GRIP1: variants seen among roughly 807,000 people sequenced by gnomAD.
GRIP1 encodes glutamate receptor-interacting protein 1.
GRIP1 carries 45 observed loss-of-function variants against 129.9 expected under a neutral mutation model. The ratio of observed to expected loss-of-function variants is 0.35; its 90% CI spans 0.27 to 0.44. The LOEUF (loss-of-function observed/expected upper bound fraction) is 0.44, where lower values mean the gene tolerates loss of function less well. GRIP1 is among the 20% of genes least tolerant of loss of function. The probability of loss-of-function intolerance (pLI) is 1.00; values close to 1 mark genes in which losing one functional copy is unlikely to be tolerated. For synonymous variants in GRIP1, 530 were observed against 520.8 expected (o/e 1.02, Z -0.24); for missense variants, 1,196 against 1,396.8 (o/e 0.86, Z 2.29).
intron 1 of GRIP1, among the ~76,000 whole-genome samples, chr12:66,796,710 G>T (rs1027153397): frequency 6.6e-6 from 1 of 152,028 alleles, no homozygotes; most frequent in African/African-American, 2.4e-5. Flanking sequence ...CTCTTGACAC[G>T]TGCATCATCA....
chr12:66,814,801 G>A (rs1181541957), intron 1 of GRIP1, among the ~76,000 whole-genome samples: 3 of 149,810 alleles, frequency 2.0e-5, no homozygotes, highest in South Asian at 4.3e-4. Context: ...TCGCTGAGGA[G>A]GCCTCAGGAA....
At chr12:66,363,419 TA>T (rs1228067906) in intron 23 of GRIP1, among the ~76,000 whole-genome samples, 3 of 147,700 alleles carry the variant, frequency 2.0e-5, no homozygotes, top group Non-Finnish European at 3.0e-5. Context: ...TTTTTTTTTT[TA>T]AATTATTTTT....
At chr12:66,986,763 G>T (rs2042318248) in intron 1 of GRIP1, among the ~76,000 whole-genome samples, 1 of 148,554 alleles carries the variant, frequency 6.7e-6, no homozygotes, top group Admixed American at 6.7e-5. Context: ...CACCAGCATG[G>T]CACATGTATA....
intron 7 of GRIP1, among the ~76,000 whole-genome samples, chr12:66,477,310 C>T (rs1195274369): frequency 2.0e-5 from 3 of 151,968 alleles, no homozygotes; most frequent in South Asian, 2.1e-4. Context: ...ACCTAGGAAT[C>T]CAACTTACAA....
intron 1 of GRIP1, among the ~76,000 whole-genome samples, chr12:66,887,918 T>C (rs2040592572): frequency 6.6e-6 from 1 of 152,220 alleles, no homozygotes; most frequent in African/African-American, 2.4e-5. Context: ...TCAGCAGCTG[T>C]CTGTCCTTGG....
intron 1 of GRIP1, among the ~76,000 whole-genome samples, chr12:66,864,832 A>G (rs1036424803): frequency 6.6e-6 from 1 of 152,140 alleles, no homozygotes; most frequent in Admixed American, 6.6e-5. Flanking sequence ...TGTAGTTCAA[A>G]TCTCTTATCT....
intron 1 of GRIP1, among the ~76,000 whole-genome samples, chr12:66,796,120 T>C (rs1273728570): frequency 6.6e-6 from 1 of 151,946 alleles, no homozygotes; most frequent in Non-Finnish European, 1.5e-5. Context: ...TTTGCAATAG[T>C]ATACTAACAG....
intron 1 of GRIP1, among the ~76,000 whole-genome samples, chr12:66,950,941 G>A (rs1342753866): frequency 1.1e-4 from 17 of 152,062 alleles, no homozygotes; most frequent in Non-Finnish European, 5.9e-5. Context: ...GCTCAAATCT[G>A]CCATCTGGAA....
chr12:66,593,850 C>T (rs944472309), intron 2 of GRIP1, among the ~76,000 whole-genome samples: 2 of 151,914 alleles, frequency 1.3e-5, no homozygotes, highest in African/African-American at 4.8e-5. Context: ...GGGCGGATCA[C>T]GAGGTCATGA....
intron 1 of GRIP1, among the ~76,000 whole-genome samples, chr12:66,906,163 G>T (rs2040928910): frequency 6.6e-6 from 1 of 152,162 alleles, no homozygotes; most frequent in Non-Finnish European, 1.5e-5. Flanking sequence ...TGTAATCCCA[G>T]CACTTTGGGA....
chr12:66,521,159 T>G (rs1467042482), intron 5 of GRIP1, among the ~76,000 whole-genome samples: 1 of 152,172 alleles, frequency 6.6e-6, no homozygotes, highest in Non-Finnish European at 1.5e-5. Context: ...TCTATCAACT[T>G]TTGTCTTAAA....
intron 23 of GRIP1, among the ~76,000 whole-genome samples, chr12:66,364,866 A>C (rs755204278): frequency 6.6e-6 from 1 of 152,040 alleles, no homozygotes; most frequent in Non-Finnish European, 1.5e-5. Context: ...TTTCCTTTAA[A>C]TATTGAAGCC....
chr12:66,679,506 G>A (rs2136275283), upstream of GRIP1, among the ~76,000 whole-genome samples: 1 of 151,558 alleles, frequency 6.6e-6, no homozygotes, highest in African/African-American at 2.4e-5. Context: ...TGGGATTGAG[G>A]AAAGAATCAC....
chr12:66,813,483 C>T (rs1216612264), intron 1 of GRIP1, among the ~76,000 whole-genome samples: 1 of 152,092 alleles, frequency 6.6e-6, no homozygotes, highest in Non-Finnish European at 1.5e-5. Flanking sequence ...AATACATCAT[C>T]AAAGTAATTT....
At chr12:66,499,613 A>G (rs1475369384) in intron 7 of GRIP1, among the ~76,000 whole-genome samples, 1 of 152,198 alleles carries the variant, frequency 6.6e-6, no homozygotes, top group African/African-American at 2.4e-5. Context: ...ACTACACTGA[A>G]TGGGGCAGAG....
chr12:67,041,733 G>C (rs1457817176), intron 1 of GRIP1, among the ~76,000 whole-genome samples: 3 of 147,790 alleles, frequency 2.0e-5, no homozygotes, highest in Non-Finnish European at 4.5e-5. Context: ...GCGGAGCTCT[G>C]TTTTAGAAGA....
chr12:66,780,432 T>C (rs1645293327), intron 1 of GRIP1, among the ~76,000 whole-genome samples: 1 of 152,198 alleles, frequency 6.6e-6, no homozygotes, highest in Non-Finnish European at 1.5e-5. Flanking sequence ...GTAGCAGTCT[T>C]GCCCCTGTGA....
chr12:66,459,535 G>A (rs1254592509), intron 9 of GRIP1, among the ~76,000 whole-genome samples: 1 of 152,252 alleles, frequency 6.6e-6, no homozygotes, highest in East Asian at 1.9e-4. Context: ...GGACTGTACA[G>A]CACAATTAAT....
chr12:66,420,856 CCT>C (rs2057781647), intron 14 of GRIP1, 67 bp from the exon 15 acceptor site: 5 of 901,014 alleles, frequency 5.5e-6, no homozygotes, highest in South Asian at 5.4e-5. Context: ...GTACATTTCC[CCT>C]GTTTTATAAT....
Sources: allele counts gnomAD v4.1 joint callset (sites outside exome capture counted in the v4.1 genomes callset), GRCh38; gene constraint gnomAD v4.1.1; transcripts MANE v1.5; gene names NCBI Gene and HGNC (gene_info 2026-07-23, HGNC 2026-07-21).